The following MAPK8 variants were observed in gnomAD, a reference collection of about 807,000 sequenced individuals.
The protein encoded by MAPK8 is JUN N-terminal kinase.
In MAPK8, 13 loss-of-function variants were observed where a neutral mutation model predicts 52.9. That is an observed-to-expected ratio of 0.25 (90% CI 0.16 to 0.39). MAPK8 has a LOEUF of 0.39. MAPK8 is among the 10% of genes least tolerant of loss of function. MAPK8 has a pLI of 1.00. For missense variants in MAPK8, 300 were observed against 519.2 expected (o/e 0.58, Z 4.10); for synonymous variants, 191 against 169.8 (o/e 1.12, Z -0.97).
intron 7 of MAPK8, chr10:48,424,627 A>G: frequency 7.5e-7 from 1 of 1,339,462 alleles, no homozygotes. Context: ...CTAAAGGTCA[A>G]AATGTATGAT....
chr10:48,340,496 T>C (rs1458180321), intron 1 of MAPK8, among the ~76,000 whole-genome samples: 2 of 152,160 alleles, frequency 1.3e-5, no homozygotes, highest in Non-Finnish European at 2.9e-5. Flanking sequence ...TTATGCAATG[T>C]ACCCATGTAA....
At chr10:48,368,730 C>G (rs1848286282) in intron 1 of MAPK8, among the ~76,000 whole-genome samples, 1 of 152,154 alleles carries the variant, frequency 6.6e-6, no homozygotes, top group Non-Finnish European at 1.5e-5. Context: ...GAAACTTAAG[C>G]AAAAGACAAA....
At chr10:48,381,489 A>G (rs1264568793) in intron 1 of MAPK8, among the ~76,000 whole-genome samples, 1 of 152,152 alleles carries the variant, frequency 6.6e-6, no homozygotes, top group Non-Finnish European at 1.5e-5. Context: ...TTTAACTCTT[A>G]GTAGTTCTAA....
chr10:48,437,148 GTTCAA>G lies in MAPK8; in HGVS notation c.*2125_*2129del, dbSNP rs955418626. ...TGCCACTTGCCAACCATCATGTTCA[GTTCAA>G]TTCAAAGAAAACAAACTCTCATTAC... On this transcript the variant is annotated 3_prime_UTR_variant, in exon 12 of 12. Transcript: ENST00000374189. 6.6e-6 allele frequency: 1 copy of G among 152,132 alleles called. No homozygotes were observed. Among genetic ancestry groups the G allele is most frequent in the East Asian group, 1.9e-4 (1 of 5,194 alleles). The allele number at this position is 152,132 out of a possible 1,614,324, so 9.4% of individuals were successfully genotyped here.
chr10:48,386,958 T>A (rs1309567425), intron 1 of MAPK8, among the ~76,000 whole-genome samples: 1 of 152,242 alleles, frequency 6.6e-6, no homozygotes, highest in Non-Finnish European at 1.5e-5. Context: ...TCTGGCGCTA[T>A]TTAGCTAAAT....
At chr10:48,421,634 G>A (rs2043361446) in intron 6 of MAPK8, among the ~76,000 whole-genome samples, 1 of 152,090 alleles carries the variant, frequency 6.6e-6, no homozygotes, top group African/African-American at 2.4e-5. Context: ...GCAAAACCCT[G>A]TCTCTACTGA....
chr10:48,422,416 T>C (rs549178345), intron 6 of MAPK8, among the ~76,000 whole-genome samples: 17 of 152,306 alleles, frequency 1.1e-4, no homozygotes, highest in African/African-American at 3.8e-4. Flanking sequence ...GTAATCAATA[T>C]ATTTTTAACT....
intron 5 of MAPK8, among the ~76,000 whole-genome samples, chr10:48,417,656 A>C (rs1157593868): frequency 1.3e-5 from 2 of 152,188 alleles, no homozygotes; most frequent in East Asian, 1.9e-4. Flanking sequence ...TGCTGAGTCA[A>C]ACACATTCCC....
intron 7 of MAPK8, chr10:48,424,466 TA>T: frequency 3.3e-6 from 4 of 1,224,330 alleles, no homozygotes; most frequent in Non-Finnish European, 2.3e-6. Context: ...TTTTTTTTTT[TA>T]TTTTAACCAA....
chr10:48,423,657 A>G (rs1269822111), intron 6 of MAPK8, among the ~76,000 whole-genome samples: 2 of 152,184 alleles, frequency 1.3e-5, no homozygotes, highest in African/African-American at 4.8e-5. Context: ...TTATTTTCTC[A>G]TGCTTTTTTC....
At chr10:48,417,294 A>G in intron 5 of MAPK8, among the ~76,000 whole-genome samples, 1 of 152,144 alleles carries the variant, frequency 6.6e-6, no homozygotes, top group Non-Finnish European at 1.5e-5. Context: ...TTTTTAGCTC[A>G]TGGGTCCTGT....
intron 1 of MAPK8, among the ~76,000 whole-genome samples, chr10:48,334,430 C>T: frequency 6.6e-6 from 1 of 152,156 alleles, no homozygotes; most frequent in South Asian, 2.1e-4. Context: ...GGATACGTCT[C>T]AGTCACACAC....
chr10:48,421,061 A>G (rs1443195473), intron 6 of MAPK8, among the ~76,000 whole-genome samples: 2 of 152,244 alleles, frequency 1.3e-5, no homozygotes, highest in Non-Finnish European at 2.9e-5. Flanking sequence ...TTTTATGGAA[A>G]TAAACCATCG....
chr10:48,318,532 TTGAA>T (rs1842710886), intron 1 of MAPK8, among the ~76,000 whole-genome samples: 1 of 152,166 alleles, frequency 6.6e-6, no homozygotes. Flanking sequence ...ACTTGAAAGA[TTGAA>T]TGCCATGGTC....
chr10:48,366,795 T>C (rs1403691117), intron 1 of MAPK8, among the ~76,000 whole-genome samples: 1 of 152,186 alleles, frequency 6.6e-6, no homozygotes, highest in South Asian at 2.1e-4. Context: ...TTTTTTTCTT[T>C]TTTTACCCTG....
intron 1 of MAPK8, among the ~76,000 whole-genome samples, chr10:48,371,833 T>C (rs1440566371): frequency 6.6e-6 from 1 of 152,020 alleles, no homozygotes; most frequent in Non-Finnish European, 1.5e-5. Flanking sequence ...GCTCCTTGGG[T>C]TCGATTAATT....
chr10:48,395,330 A>G (rs148095948), intron 1 of MAPK8, among the ~76,000 whole-genome samples: 76 of 152,186 alleles, frequency 5.0e-4, no homozygotes, highest in African/African-American at 1.8e-3. Flanking sequence ...TGGTATAGAA[A>G]ATAGTTCAGA....
At chr10:48,325,299 T>G (rs1843404243) in intron 1 of MAPK8, among the ~76,000 whole-genome samples, 1 of 152,204 alleles carries the variant, frequency 6.6e-6, no homozygotes, top group South Asian at 2.1e-4. Context: ...GACCTTTCCC[T>G]CTTGTCAACT....
intron 1 of MAPK8, among the ~76,000 whole-genome samples, chr10:48,327,237 AAATC>A (rs1843626041): frequency 6.6e-6 from 1 of 152,168 alleles, no homozygotes; most frequent in Non-Finnish European, 1.5e-5. Context: ...TTTTTTTAAA[AAATC>A]AAATTGAGGA....
Sources: gnomAD v4.1 joint callset for allele counts (sites outside exome capture counted in the v4.1 genomes callset) on GRCh38, gnomAD v4.1.1 for gene constraint, MANE v1.5 for transcripts, NCBI Gene and HGNC (gene_info 2026-07-23, HGNC 2026-07-21) for gene names.